RIMKLB: variants seen among roughly 807,000 people sequenced by gnomAD.
The protein encoded by RIMKLB is beta-citrylglutamate synthase B.
RIMKLB carries 7 observed loss-of-function variants against 32.0 expected under a neutral mutation model. The ratio of observed to expected loss-of-function variants is 0.22; its 90% CI spans 0.12 to 0.41. The LOEUF (loss-of-function observed/expected upper bound fraction) is 0.41, where lower values mean the gene tolerates loss of function less well. RIMKLB is among the 10% of genes least tolerant of loss of function. RIMKLB has a pLI of 1.00. For missense variants in RIMKLB, 289 were observed against 498.7 expected (o/e 0.58, Z 4.00); for synonymous variants, 172 against 185.1 (o/e 0.93, Z 0.57).
At chr12:8,747,881 G>A (rs902894356) in intron 2 of RIMKLB, among the ~76,000 whole-genome samples, 3 of 151,694 alleles carry the variant, frequency 2.0e-5, no homozygotes, top group South Asian at 4.2e-4. Flanking sequence ...TTAGCCTCCC[G>A]AGTAGCTGAG....
chr12:8,759,454 A>G (rs1949338359), intron 5 of RIMKLB, among the ~76,000 whole-genome samples: 1 of 152,016 alleles, frequency 6.6e-6, no homozygotes, highest in Non-Finnish European at 1.5e-5. Flanking sequence ...TCAACTTGCA[A>G]TTTTTTTTCC....
intron 1 of RIMKLB, among the ~76,000 whole-genome samples, chr12:8,702,152 A>C (rs145240069): frequency 5.9e-5 from 9 of 152,200 alleles, no homozygotes; most frequent in Admixed American, 2.0e-4. Flanking sequence ...TCAGTGTTAC[A>C]TGTCAGGTTA....
chr12:8,717,825 A>G (rs1281109412), intron 2 of RIMKLB, among the ~76,000 whole-genome samples: 2 of 152,086 alleles, frequency 1.3e-5, no homozygotes, highest in African/African-American at 2.4e-5. Context: ...AATCCCCTTT[A>G]TGTTTTTATT....
chr12:8,673,054 G>A, the RIMKLB span, among the ~76,000 whole-genome samples: 2 of 152,100 alleles, frequency 1.3e-5, no homozygotes, highest in Non-Finnish European at 2.9e-5. Context: ...GCTAATTTTT[G>A]TATTTTTAGT....
At position 8,774,974 on chromosome 12, in the gene RIMKLB, CAG is replaced by C. The variant is rs202197030; in HGVS notation, c.*1193_*1194del. 1,794 of 985,732 alleles carry C rather than the reference CAG, an allele frequency of 1.8e-3. 24 individuals carry two copies. The African/African-American group carries it at 0.027, about 15-fold the overall frequency. 61.1% of individuals were successfully genotyped at this position (985,732 alleles called of 1,614,324 possible). On this transcript the variant is annotated 3_prime_UTR_variant, in exon 6 of 6. Coordinates refer to ENST00000535829, the MANE Select transcript of RIMKLB (RefSeq NM_001297776.2). ...TTAGAAAATGGAGCATGATGGGAAA[CAG>C]AGTTTTTGACTTTAAAAAACAGATG... is the stretch of plus-strand genomic sequence containing the variant.
intron 5 of RIMKLB, among the ~76,000 whole-genome samples, chr12:8,757,523 T>C (rs965624737): frequency 6.7e-6 from 1 of 149,780 alleles, no homozygotes; most frequent in African/African-American, 2.5e-5. Context: ...TACAAAAAGG[T>C]ATAAAGGATT....
exon 1 of RIMKLB, chr12:8,681,713 C>A (rs926238454): frequency 6.6e-6 from 1 of 152,202 alleles, no homozygotes; most frequent in African/African-American, 2.4e-5. Context: ...GCTGCTTCCA[C>A]CTGCTAGGAG....
At chr12:8,746,760 CTTTT>C (rs200870665) in intron 2 of RIMKLB, among the ~76,000 whole-genome samples, 1 of 151,308 alleles carries the variant, frequency 6.6e-6, no homozygotes, top group Non-Finnish European at 1.5e-5. Flanking sequence ...CTTCAAAAAA[CTTTT>C]TTTTTCCCTT....
intron 2 of RIMKLB, among the ~76,000 whole-genome samples, chr12:8,734,098 T>G (rs1306591176): frequency 6.6e-6 from 1 of 152,190 alleles, no homozygotes; most frequent in African/African-American, 2.4e-5. Context: ...AGAGGAATTA[T>G]CTGGTAAGGC....
chr12:8,715,383 G>A (rs760673758), intron 2 of RIMKLB, among the ~76,000 whole-genome samples: 6 of 151,754 alleles, frequency 4.0e-5, no homozygotes, highest in African/African-American at 1.5e-4. Flanking sequence ...GCACCACCAC[G>A]CCCGACTAAT....
At chr12:8,755,796 C>G (rs2969093) in intron 5 of RIMKLB, among the ~76,000 whole-genome samples, 120,122 of 152,058 alleles carry the variant, frequency 0.79, 47,501 homozygotes, top group East Asian at 0.86. Context: ...ATCATCCTGA[C>G]CTCAAGGTTC....
rs926923055 is a variant in RIMKLB, at chr12:8,746,199, T to C, written c.176-3663T>C. Among the ~76,000 whole-genome samples, 66 of 151,948 alleles carry C rather than the reference T, an allele frequency of 4.3e-4. 3 individuals are homozygous for C. Among genetic ancestry groups the C allele is most frequent in the African/African-American group, 1.6e-3 (66 of 41,248 alleles). Reference sequence around the variant, plus strand: ...TTCCCTTCTTAACATTCCCATTCTCTATATCCTTATCTCAAAATTTTTCAT... The same window carrying C: ...TTCCCTTCTTAACATTCCCATTCTCCATATCCTTATCTCAAAATTTTTCAT... On this transcript the variant is annotated intron_variant, in intron 2 of 5. Coordinates refer to ENST00000535829, the MANE Select transcript of RIMKLB (RefSeq NM_001297776.2).
At chr12:8,695,078 T>G (rs970676917), upstream of RIMKLB, among the ~76,000 whole-genome samples, 1 of 152,184 alleles carries the variant, frequency 6.6e-6, no homozygotes, top group Non-Finnish European at 1.5e-5. Context: ...TAAGCAACAA[T>G]CTCATGCTGC....
At chr12:8,711,516 T>G (rs1944374068) in intron 1 of RIMKLB, among the ~76,000 whole-genome samples, 1 of 151,524 alleles carries the variant, frequency 6.6e-6, no homozygotes, top group South Asian at 2.1e-4. Flanking sequence ...CACTACTGAT[T>G]ACAAACTTTT....
At chr12:8,769,971 T>A (rs910408340) in intron 5 of RIMKLB, among the ~76,000 whole-genome samples, 1 of 131,164 alleles carries the variant, frequency 7.6e-6, no homozygotes, top group African/African-American at 3.0e-5. Flanking sequence ...GTAGCAATAA[T>A]TTTTTTTTTT....
chr12:8,776,599 C>T lies in RIMKLB; in HGVS notation c.*2815C>T, dbSNP rs993069275. 4 of 847,642 alleles carry T rather than the reference C, an allele frequency of 4.7e-6. No individual in the cohort carries two copies. The African/African-American group carries it at 5.5e-5, about 12-fold the overall frequency. The allele number at this position is 847,642 out of a possible 1,614,324, so 52.5% of individuals were successfully genotyped here. On this transcript the variant is annotated 3_prime_UTR_variant, in exon 6 of 6. Transcript: ENST00000535829. Reference sequence around the variant, plus strand: ...ATTATTTCTGATATTGTTTTTATGTCACCCATGATGAAAACTGGACTTTAT... The same window carrying T: ...ATTATTTCTGATATTGTTTTTATGTTACCCATGATGAAAACTGGACTTTAT...
chr12:8,734,051 T>C (rs1287663552), intron 2 of RIMKLB, among the ~76,000 whole-genome samples: 2 of 152,134 alleles, frequency 1.3e-5, no homozygotes, highest in African/African-American at 4.8e-5. Context: ...AAAATAGTGG[T>C]TATAATAGAA....
At chr12:8,782,291 ATT>A (rs1242302019) in intron 7 of RIMKLB, among the ~76,000 whole-genome samples, 1 of 152,084 alleles carries the variant, frequency 6.6e-6, no homozygotes, top group Admixed American at 6.6e-5. Flanking sequence ...TCTACAAGGA[ATT>A]TTTGTTAGAT....
rs3076182 is a variant in RIMKLB at position 8,704,971 on chromosome 12, A to AACACACACAC, written c.-57+6694_-57+6703dup. Among the ~76,000 whole-genome samples the AACACACACAC allele has an allele frequency of 3.4e-3, 504 of 146,670 alleles. 7 individuals carry two copies. Among genetic ancestry groups the AACACACACAC allele is most frequent in the East Asian group, 0.014 (70 of 5,018 alleles). On this transcript the variant is annotated intron_variant, in intron 1 of 5. Coordinates refer to ENST00000535829, the MANE Select transcript of RIMKLB (RefSeq NM_001297776.2). The stretch of plus-strand genomic sequence containing the variant: ...GTGCAGAGCAAGACCTCACCTCTAA[A>AACACACACAC]ACACACACACACACACACACACACA...
Sources: allele counts gnomAD v4.1 joint callset (sites outside exome capture counted in the v4.1 genomes callset), GRCh38; gene constraint gnomAD v4.1.1; transcripts MANE v1.5; gene names NCBI Gene and HGNC (gene_info 2026-07-23, HGNC 2026-07-21).